The following CEP104 variants were observed in gnomAD, a reference collection of about 807,000 sequenced individuals.
CEP104 encodes the protein centrosomal protein 104.
Under a neutral mutation model 113.3 loss-of-function variants are expected in CEP104, and 84 were observed. The observed-to-expected ratio is 0.74, with a 90% CI of 0.62 to 0.89. The LOEUF is 0.89. Among genes scored for constraint, CEP104 ranks in the 40% least tolerant of loss-of-function variants. The pLI, the probability that CEP104 is intolerant of heterozygous loss-of-function variation, is 0.00. For missense variants in CEP104, 1,053 were observed against 1,156.6 expected, an observed-to-expected ratio of 0.91 and a Z score of 1.30; for synonymous variants, 378 against 421.7, an observed-to-expected ratio of 0.90 and a Z score of 1.27.
At chr1:3,840,044 C>G (rs1644386391) in intron 6 of CEP104, among the ~76,000 whole-genome samples, 1 of 152,170 alleles carries the variant, frequency 6.6e-6, no homozygotes, top group Non-Finnish European at 1.5e-5. Flanking sequence ...AGTGCATTCG[C>G]TCAGAGTGCA....
At chr1:3,828,376 G>A (rs1644134365) in intron 15 of CEP104, among the ~76,000 whole-genome samples, 2 of 152,182 alleles carry the variant, frequency 1.3e-5, no homozygotes, top group African/African-American at 4.8e-5. Context: ...TCCGCCTCCT[G>A]TGTCCTTTTC....
chr1:3,849,039 G>C (rs1644562450), intron 2 of CEP104, among the ~76,000 whole-genome samples: 1 of 152,154 alleles, frequency 6.6e-6, no homozygotes, highest in African/African-American at 2.4e-5. Context: ...TTGGCAGCTA[G>C]TAAATGGTCT....
chr1:3,851,255 C>T (rs12239379), intron 2 of CEP104, among the ~76,000 whole-genome samples: 12,661 of 151,998 alleles, frequency 0.083, 549 homozygotes, highest in Middle Eastern at 0.11. Context: ...AACTCACTTC[C>T]GGGAAATGCA....
At chr1:3,827,272 T>A (rs1644110164) in intron 15 of CEP104, among the ~76,000 whole-genome samples, 1 of 152,104 alleles carries the variant, frequency 6.6e-6, no homozygotes, top group Non-Finnish European at 1.5e-5. Flanking sequence ...AGGTTGGAAG[T>A]GGTACAAACA....
intron 1 of CEP104, among the ~76,000 whole-genome samples, chr1:3,854,039 C>G (rs962000493): frequency 6.6e-6 from 1 of 152,230 alleles, no homozygotes; most frequent in Admixed American, 6.5e-5. Flanking sequence ...ACGCACAGCC[C>G]ATGGCTCCCA....
intron 18 of CEP104, among the ~76,000 whole-genome samples, chr1:3,825,417 A>C (rs574954891): frequency 1.6e-4 from 24 of 152,298 alleles, no homozygotes; most frequent in African/African-American, 5.1e-4. Flanking sequence ...CAAGCAGTGG[A>C]CACTATAAAG....
intron 2 of CEP104, among the ~76,000 whole-genome samples, 184 bp from the exon 3 acceptor site, chr1:3,848,965 T>C (rs1298963770): frequency 2.6e-5 from 4 of 152,210 alleles, no homozygotes; most frequent in Non-Finnish European, 4.4e-5. Context: ...CTTTTCTTGT[T>C]GGAGCTGAAG....
At chr1:3,835,124 C>A in intron 10 of CEP104, 32 bp from the exon 11 acceptor site, 1 of 1,597,622 alleles carries the variant, frequency 6.3e-7, no homozygotes, top group Non-Finnish European at 8.5e-7. Flanking sequence ...TTCATGGCAT[C>A]ACACAACCAT....
intron 6 of CEP104, among the ~76,000 whole-genome samples, chr1:3,840,256 A>T (rs1419946770): frequency 1.3e-5 from 2 of 152,030 alleles, no homozygotes; most frequent in African/African-American, 4.8e-5. Context: ...CTTTTTTCGG[A>T]GGCGGAGTCT....
rs925497166 is a variant in CEP104 at position 3,819,262 on chromosome 1, A to G, written c.2572-2892T>C. ...TCCATTTACAGGAAATGTCCACAGT[A>G]GGCAAATCCATGGAGACCAAAACTA... On this transcript the variant is annotated intron_variant, in intron 20 of 21. Transcript: ENST00000378230. This position sits in a 1 kb window ranked among gnomAD's most constrained non-coding sequence, Gnocchi z 4.6. 2.6e-5 allele frequency among the ~76,000 whole-genome samples: 4 copies of G among 152,224 alleles called. No homozygotes were observed. The highest frequency in any genetic ancestry group is 7.2e-5 in the African/African-American group (3 of 41,462).
At chr1:3,818,692 A>G (rs1338388362) in intron 20 of CEP104, among the ~76,000 whole-genome samples, 1 of 152,152 alleles carries the variant, frequency 6.6e-6, no homozygotes, top group East Asian at 1.9e-4. Context: ...CTTTCAGTCT[A>G]TTTATGTTCT....
Position 3,815,481 on chromosome 1 carries a change from C to G in CEP104, c.2699G>C (p.Gly900Ala). 1 of 1,612,058 alleles carries G rather than the reference C, an allele frequency of 6.2e-7. No individual in the cohort carries two copies. The highest frequency in any genetic ancestry group is 8.5e-7 in the Non-Finnish European group (1 of 1,179,248). The part of the protein sequence containing the change: ...SSAVAASGPL[G>A]SKAGSKIPTP... ...GGGGATCTTGCTTCCGGCCTTTGAC[C>G]CCAAGGGGCCTGATGCGGCCACAGC... Residue 900 changes from glycine to alanine, a missense_variant, in exon 22 of 22, where the codon GGG (glycine) becomes GCG (alanine). Coordinates refer to ENST00000378230, the MANE Select transcript of CEP104 (RefSeq NM_014704.4).
chr1:3,852,295 C>G lies in CEP104; in HGVS notation c.113G>C (p.Arg38Thr). 1 of 1,613,392 alleles carries G rather than the reference C, an allele frequency of 6.2e-7. No homozygotes were observed. Among genetic ancestry groups the G allele is most frequent in the Non-Finnish European group, 8.5e-7 (1 of 1,179,874 alleles). Residue 38 changes from arginine (R) to threonine (T), a missense_variant and splice_region_variant, in exon 2 of 22, where the codon AGA (arginine) becomes ACA (threonine). Arg to Thr is a moderately conservative substitution (Grantham distance 71). Coordinates refer to ENST00000378230, the MANE Select transcript of CEP104 (RefSeq NM_014704.4). ...AAGCCCCGCCCCGTCCAGTCCTCAC[C>G]TAGGTGACCGCCACCCACTGACAGT... ...APTVSGWRSP[R>T]FCQFPQEIVL...
chr1:3,853,218 G>C (rs1451276681), intron 1 of CEP104, among the ~76,000 whole-genome samples: 2 of 152,180 alleles, frequency 1.3e-5, no homozygotes, highest in Non-Finnish European at 2.9e-5. Context: ...TGTATGACCA[G>C]AAGGAAGAGC....
intron 18 of CEP104, among the ~76,000 whole-genome samples, chr1:3,825,540 G>A (rs184127352): frequency 2.0e-5 from 3 of 152,322 alleles, no homozygotes; most frequent in African/African-American, 4.8e-5. Context: ...AAGGAGCCCC[G>A]AGGGGAGGTG....
At chr1:3,849,490 C>T (rs1644571857) in intron 2 of CEP104, among the ~76,000 whole-genome samples, 1 of 152,150 alleles carries the variant, frequency 6.6e-6, no homozygotes, top group East Asian at 1.9e-4. Context: ...TTCGGCCTCC[C>T]AAAGGGCTGT....
intron 10 of CEP104, among the ~76,000 whole-genome samples, chr1:3,835,361 C>T (rs1041862428): frequency 2.6e-5 from 4 of 152,176 alleles, no homozygotes; most frequent in South Asian, 2.1e-4. Context: ...AAGCTGAGAA[C>T]GAGGGAAAAC....
chr1:3,838,950 G>A lies in CEP104; in HGVS notation c.891+14C>T. The A allele has an allele frequency of 6.2e-7, 1 of 1,613,564 alleles. No homozygotes were observed. The highest frequency in any genetic ancestry group is 8.5e-7 in the Non-Finnish European group (1 of 1,179,774). Reference sequence around the variant, plus strand: ...CTAGGCTTTCCTCCACTCCGTCTGGGCTCCTGCACCCACCAGCTCGGCATC... The same window carrying A: ...CTAGGCTTTCCTCCACTCCGTCTGGACTCCTGCACCCACCAGCTCGGCATC... On this transcript the variant is annotated intron_variant, in intron 8 of 21. Transcript: ENST00000378230.
Position 3,839,644 on chromosome 1 carries a change from G to A in CEP104, c.699C>T (p.Ala233=). 1 of 1,613,334 alleles carries A rather than the reference G, an allele frequency of 6.2e-7. No individual in the cohort carries two copies. Among genetic ancestry groups the A allele is most frequent in the Non-Finnish European group, 8.5e-7 (1 of 1,179,786 alleles). The change falls in exon 7 of 22, where the codon GCC becomes GCT. Residue 233 remains alanine (A), a synonymous_variant. Transcript: ENST00000378230. ...CAGCAATGGCTTGTTTTAGTTTCTT[G>A]GCATAATCATAGCGTTCCTTTTGGA... The part of the protein sequence containing the change: ...EAVQKERYDY[A]KKLKQAIADL...
Sources: allele counts gnomAD v4.1 joint callset (sites outside exome capture counted in the v4.1 genomes callset), GRCh38; gene constraint gnomAD v4.1.1; non-coding constraint Gnocchi (gnomAD v3.1); transcripts MANE v1.5; gene names NCBI Gene and HGNC (gene_info 2026-07-23, HGNC 2026-07-21).